Variants in HDGF observed in about 807,000 individuals in gnomAD.
HDGF encodes hepatoma-derived growth factor.
In HDGF, 5 loss-of-function variants were observed where a neutral mutation model predicts 30.0. The ratio of observed to expected loss-of-function variants is 0.17; its 90% CI spans 0.09 to 0.35. The LOEUF (loss-of-function observed/expected upper bound fraction) is 0.35, where lower values mean the gene tolerates loss of function less well. HDGF is among the 10% of genes least tolerant of loss of function. The probability of loss-of-function intolerance (pLI) is 1.00; values close to 1 mark genes in which losing one functional copy is unlikely to be tolerated. For missense variants in HDGF, 214 were observed against 302.8 expected, an observed-to-expected ratio of 0.71 and a Z score of 2.18; for synonymous variants, 133 against 112.7, an observed-to-expected ratio of 1.18 and a Z score of -1.14.
chr1:156,753,239 C>T (rs1024762005), upstream of HDGF, among the ~76,000 whole-genome samples: 1 of 152,156 alleles, frequency 6.6e-6, no homozygotes, highest in Admixed American at 6.5e-5. Flanking sequence ...ATAAGAGGCA[C>T]ACCAGGCTGC....
chr1:156,752,627 A>G (rs1400495456), upstream of HDGF, among the ~76,000 whole-genome samples: 2 of 152,152 alleles, frequency 1.3e-5, no homozygotes, highest in East Asian at 1.9e-4. Context: ...GCGAGACTAC[A>G]TTTTGGCCTA....
In HDGF at chr1:156,751,180, A is replaced by G. The variant is rs1650951573; in HGVS notation, c.87+163T>C. Among the ~76,000 whole-genome samples the G allele has an allele frequency of 6.6e-6, 1 of 151,456 alleles. No individual in the cohort carries two copies. Among genetic ancestry groups the G allele is most frequent in the African/African-American group, 2.4e-5 (1 of 41,204 alleles). Reference sequence around the variant, plus strand: ...CCCACCCCCGCCCGCCTCCACCATTATATAACCGGCGGGTGGGCTTGGAAG... The same window carrying G: ...CCCACCCCCGCCCGCCTCCACCATTGTATAACCGGCGGGTGGGCTTGGAAG... On this transcript the variant is annotated intron_variant, in intron 1 of 5. Coordinates refer to ENST00000357325, the MANE Select transcript of HDGF (RefSeq NM_004494.3). This position sits in a 1 kb window ranked among gnomAD's most constrained non-coding sequence, Gnocchi z 4.7.
intron 1 of HDGF, among the ~76,000 whole-genome samples, chr1:156,745,948 A>G (rs529584885): frequency 6.6e-6 from 1 of 152,276 alleles, no homozygotes; most frequent in South Asian, 2.1e-4. Flanking sequence ...GGATGAAATG[A>G]CCATAACTTG....
At chr1:156,748,980 A>G (rs944687861) in intron 1 of HDGF, among the ~76,000 whole-genome samples, 17 of 152,250 alleles carry the variant, frequency 1.1e-4, no homozygotes, top group Non-Finnish European at 1.9e-4. Flanking sequence ...AAAAGCAGAA[A>G]GGGATCAGGG....
At position 156,743,353 on chromosome 1, in the gene HDGF, A is replaced by T; in HGVS notation, c.*96T>A. The T allele has an allele frequency of 7.7e-7, 1 of 1,306,810 alleles. No homozygotes were observed. Among genetic ancestry groups the T allele is most frequent in the Non-Finnish European group, 1.1e-6 (1 of 950,730 alleles). 81.0% of individuals were successfully genotyped at this position (1,306,810 alleles called of 1,614,324 possible). ...GAAGAGGAGAGCAGGTTGGGGTGGG[A>T]AAGGGGTTCCCAGTTTGCAGGCCAT... On this transcript the variant is annotated 3_prime_UTR_variant, in exon 6 of 6. Transcript: ENST00000357325.
intron 1 of HDGF, among the ~76,000 whole-genome samples, chr1:156,763,479 G>A (rs1050599140): frequency 1.2e-4 from 19 of 152,078 alleles, no homozygotes; most frequent in African/African-American, 2.2e-4. Context: ...CTCCCAAAGT[G>A]CTGGGATTAG....
intron 1 of HDGF, among the ~76,000 whole-genome samples, chr1:156,760,370 C>T (rs978929668): frequency 6.6e-6 from 1 of 152,106 alleles, no homozygotes; most frequent in African/African-American, 2.4e-5. Flanking sequence ...CCTCTTTTCT[C>T]GACTAATAAT....
chr1:156,756,077 C>T (rs958398558), upstream of HDGF, among the ~76,000 whole-genome samples: 3 of 152,082 alleles, frequency 2.0e-5, no homozygotes, highest in Non-Finnish European at 2.9e-5. Flanking sequence ...ATGGGGAAAC[C>T]CCATCTCTAC....
chr1:156,752,505 G>T, upstream of HDGF: 1 of 721,766 alleles, frequency 1.4e-6, no homozygotes, highest in South Asian at 1.8e-5. Flanking sequence ...TGTGAAGACC[G>T]AGGGGCCAGG....
At chr1:156,744,662 G>GC in intron 3 of HDGF, 1 of 739,084 alleles carries the variant, frequency 1.4e-6, no homozygotes, top group Non-Finnish European at 1.9e-6. Flanking sequence ...CTCCCGCCTC[G>GC]TCCTGCCCGG....
At chr1:156,747,428 G>C (rs1650658652) in intron 1 of HDGF, 1 of 152,314 alleles carries the variant, frequency 6.6e-6, no homozygotes, top group Non-Finnish European at 1.5e-5. Context: ...TTCTCAGGAA[G>C]CCAGACCTGG....
chr1:156,744,002 G>T, intron 4 of HDGF, 124 bp from the exon 5 acceptor site: 1 of 1,052,746 alleles, frequency 9.5e-7, no homozygotes, highest in Non-Finnish European at 1.5e-6. Context: ...CCTACTAGCT[G>T]AAATGCCTTC....
rs1196683401 is a variant in HDGF, at chr1:156,745,015, C to A, written c.296G>T (p.Gly99Val). ...GGGCAGGCGGTGGCTCACCTGATAG[C>A]CGGAAGCCTTGACAGTAGGGTTGTT... ...IENNPTVKAS[G>V]YQSSQKKSCV... The change falls in exon 3 of 6, where the codon GGC (glycine) becomes GTC (valine). Residue 99 changes from glycine to valine, a missense_variant. Around this residue, in one of 2 missense-constraint regions of HDGF, gnomAD observed 176 missense variants for 211.7 expected, o/e 0.83. Coordinates refer to ENST00000357325, the MANE Select transcript of HDGF (RefSeq NM_004494.3). The A allele has an allele frequency of 1.9e-6, 3 of 1,613,934 alleles. No homozygotes were observed. Among genetic ancestry groups the A allele is most frequent in the Admixed American group, 1.7e-5 (1 of 59,978 alleles).
intron 1 of HDGF, among the ~76,000 whole-genome samples, chr1:156,760,128 C>T (rs1651223816): frequency 6.6e-6 from 1 of 152,238 alleles, no homozygotes; most frequent in African/African-American, 2.4e-5. Context: ...ATGAGAAGCC[C>T]ACCATTCTGT....
rs200493622 is a variant in HDGF, at chr1:156,743,659, G to A, written c.709C>T (p.His237Tyr). 3.2e-4 allele frequency: 511 copies of A among 1,610,954 alleles called. No individual in the cohort carries two copies. Among genetic ancestry groups the A allele is most frequent in the Non-Finnish European group, 3.9e-4 (461 of 1,177,450 alleles). The change falls in exon 5 of 6, where the codon CAT (histidine) becomes TAT (tyrosine). Residue 237 changes from histidine (H) to tyrosine (Y), a missense_variant. By Grantham distance (83) the His-to-Tyr change is moderately conservative (BLOSUM62 2). This residue lies in a region of HDGF where 176 missense variants were observed against 211.7 expected (regional missense o/e 0.83). Coordinates refer to ENST00000357325, the MANE Select transcript of HDGF (RefSeq NM_004494.3). ...EDAEAPGIRD[H>Y]ESL ...GTCAGGGGGCTCACTCACCTCTCATGATCTCTGATGCCTGGGGCCTCAGCA... is the reference window on the plus strand; with the variant it reads ...GTCAGGGGGCTCACTCACCTCTCATAATCTCTGATGCCTGGGGCCTCAGCA...
upstream of HDGF, among the ~76,000 whole-genome samples, chr1:156,754,304 A>G (rs1358355656): frequency 6.6e-6 from 1 of 152,230 alleles, no homozygotes; most frequent in African/African-American, 2.4e-5. Flanking sequence ...TTGTTGCATC[A>G]TAATAGCCAG....
chr1:156,743,408 C>A lies in HDGF; in HGVS notation c.*41G>T. On this transcript the variant is annotated 3_prime_UTR_variant, in exon 6 of 6. Transcript: ENST00000357325. Reference sequence around the variant, plus strand: ...AGTTTCCCCAGTAGCACCCAGACAGCAGCAGGAACAGGGTGGGGGCTCCTC... The same window carrying A: ...AGTTTCCCCAGTAGCACCCAGACAGAAGCAGGAACAGGGTGGGGGCTCCTC... 6.6e-7 allele frequency: 1 copy of A among 1,511,314 alleles called. No homozygotes were observed. The highest frequency in any genetic ancestry group is 1.3e-5 in the South Asian group (1 of 74,422). The allele number at this position is 1,511,314 out of a possible 1,614,324, so 93.6% of individuals were successfully genotyped here.
At chr1:156,747,789 G>A (rs1281092949) in intron 1 of HDGF, among the ~76,000 whole-genome samples, 3 of 152,134 alleles carry the variant, frequency 2.0e-5, no homozygotes, top group Non-Finnish European at 4.4e-5. Context: ...GTGTGTGTGG[G>A]TGAAAGTTCA....
upstream of HDGF, among the ~76,000 whole-genome samples, chr1:156,754,607 G>A (rs868637486): frequency 6.6e-6 from 1 of 152,290 alleles, no homozygotes; most frequent in Non-Finnish European, 1.5e-5. Flanking sequence ...CTTTGCAGAC[G>A]TTAACGTGCA....
Sources: allele counts gnomAD v4.1 joint callset (sites outside exome capture counted in the v4.1 genomes callset), GRCh38; gene constraint gnomAD v4.1.1; regional missense constraint gnomAD v4.1.1; non-coding constraint Gnocchi (gnomAD v3.1); transcripts MANE v1.5; gene names NCBI Gene and HGNC (gene_info 2026-07-23, HGNC 2026-07-21).